KRT4: variants seen among roughly 807,000 people sequenced by gnomAD.
The protein encoded by KRT4 is keratin 4, also known as keratin, type II cytoskeletal 4.
In KRT4, 47 loss-of-function variants were observed where a neutral mutation model predicts 50.6. The ratio of observed to expected loss-of-function variants is 0.93; its 90% CI spans 0.73 to 1.18. KRT4 has a LOEUF of 1.18. Among genes scored for constraint, KRT4 ranks in the 50% most tolerant of loss-of-function variants. The pLI, the probability that KRT4 is intolerant of heterozygous loss-of-function variation, is 0.00. For synonymous variants in KRT4, 254 were observed against 251.2 expected, an observed-to-expected ratio of 1.01 and a Z score of -0.10; for missense variants, 651 against 645.7, an observed-to-expected ratio of 1.01 and a Z score of -0.09.
In KRT4 at chr12:52,813,713, G is replaced by A. The variant is rs768510625; in HGVS notation, c.346C>T (p.Gln116Ter). The A allele has an allele frequency of 2.5e-6, 4 of 1,614,120 alleles. No individual in the cohort carries two copies. The highest frequency in any genetic ancestry group is 3.4e-6 in the Non-Finnish European group (4 of 1,179,940). Residue 116 changes from glutamine (Q) to a stop codon, truncating the protein, a stop_gained, in exon 1 of 9, where the codon CAG (glutamine) becomes TAG (stop). Transcript: ENST00000551956. LOFTEE classifies it high-confidence loss of function. ...ACGTGGAGGGGGGTGAGCAAGCTCT[G>A]GTTGATGGTGACCTCCTGAATTCCC... is the stretch of plus-strand genomic sequence containing the variant. The part of the protein sequence containing the change: ...AGGIQEVTIN[Q>*]SLLTPLHVEI...
rs370324245 is a variant in KRT4 at position 52,807,681 on chromosome 12, C to A, written c.1309G>T (p.Ala437Ser). ...CCCTCCAGCAGTTTGCGGTAGGTGG[C>A]GATCTCGATGTCCAAGGCCAGCTTC... ...SVKLALDIEI[A>S]TYRKLLEGEE... The change falls in exon 7 of 9, where the codon GCC (alanine) becomes TCC (serine). Residue 437 changes from alanine (A) to serine (S), a missense_variant. Transcript: ENST00000551956. 9 of 1,614,002 alleles carry A rather than the reference C, an allele frequency of 5.6e-6. No individual in the cohort carries two copies. The African/African-American group carries it at 1.2e-4, about 22-fold the overall frequency.
chr12:52,810,176 A>C (rs1183898090), intron 3 of KRT4, among the ~76,000 whole-genome samples: 2 of 152,246 alleles, frequency 1.3e-5, no homozygotes, highest in Non-Finnish European at 2.9e-5. Flanking sequence ...CCAGCAATGG[A>C]TACTCTAAAA....
rs773070973 is a variant in KRT4, at chr12:52,813,726, C to A, written c.333G>T (p.Glu111Asp). ...FPVCPAGGIQEVTINQSLLTP... is the reference protein window; with the variant it reads ...FPVCPAGGIQDVTINQSLLTP... ...TGAGCAAGCTCTGGTTGATGGTGAC[C>A]TCCTGAATTCCCCCAGCGGGGCAGA... Residue 111 changes from glutamate to aspartate, a missense_variant, in exon 1 of 9, where the codon GAG becomes GAT. Physicochemically the swap from Glu to Asp is conservative, Grantham distance 45. Coordinates refer to ENST00000551956, the MANE Select transcript of KRT4 (RefSeq NM_002272.4). The A allele has an allele frequency of 4.3e-6, 5 of 1,158,862 alleles. No homozygotes were observed. In the East Asian group the frequency reaches 3.1e-4, roughly 73 times the overall value. 71.8% of individuals were successfully genotyped at this position (1,158,862 alleles called of 1,614,324 possible). A position where few individuals can be genotyped will look rare whatever the true frequency, so the allele number is the denominator to read the frequency against.
At chr12:52,808,659 A>G (rs763983717) in intron 5 of KRT4, 27 bp downstream of exon 5, 1 of 1,613,490 alleles carries the variant, frequency 6.2e-7, no homozygotes, top group Admixed American at 1.7e-5. Context: ...AGCCAGCCCC[A>G]TCTCCTGAGA....
At chr12:52,812,809 T>C (rs1175336610) in intron 1 of KRT4, among the ~76,000 whole-genome samples, 1 of 152,226 alleles carries the variant, frequency 6.6e-6, no homozygotes, top group Non-Finnish European at 1.5e-5. Context: ...CACCTTATTC[T>C]ATTCCAAAAG....
Position 52,814,041 on chromosome 12 carries a change from C to CTGCT in KRT4, c.14_17dup (p.Cys7AlafsTer91). On this transcript the variant is annotated frameshift_variant, in exon 1 of 9. Coordinates refer to ENST00000551956, the MANE Select transcript of KRT4 (RefSeq NM_002272.4). LOFTEE classifies it high-confidence loss of function. Reference sequence around the variant, plus strand: ...AGCCCCGGGGCCCGCCTCGGACACACTGCTGTCTGGCAATCATGGCTGCAG... The same window carrying CTGCT: ...AGCCCCGGGGCCCGCCTCGGACACACTGCTTGCTGTCTGGCAATCATGGCTGCAG... The CTGCT allele has an allele frequency of 6.2e-7, 1 of 1,613,764 alleles. No individual in the cohort carries two copies. Among genetic ancestry groups the CTGCT allele is most frequent in the Non-Finnish European group, 8.5e-7 (1 of 1,179,720 alleles).
Position 52,813,636 on chromosome 12 carries a change from G to A in KRT4, c.423C>T (p.Ile141=), listed in dbSNP as rs202009552. Residue 141 remains isoleucine (I), a synonymous_variant, in exon 1 of 9, where the codon ATC becomes ATT. Transcript: ENST00000551956. ...QKVRTEEREQ[I]KLLNNKFASF... ...AGGCAAACTTGTTGTTGAGGAGCTT[G>A]ATCTGTTCGCGCTCTTCCGTCCGGA... is the stretch of plus-strand genomic sequence containing the variant. 4.3e-6 allele frequency: 7 copies of A among 1,613,980 alleles called. No homozygotes were observed. The East Asian group carries it at 1.6e-4, about 36-fold the overall frequency.
At position 52,806,890 on chromosome 12, in the gene KRT4, G is replaced by A. The variant is rs1939805167; in HGVS notation, c.*179C>T. ...AGAAGTAGCTACCAAACTCCAAGAG[G>A]CAGAGTCCCTGTCCCAGCACAGAAG... On this transcript the variant is annotated 3_prime_UTR_variant, in exon 9 of 9. Coordinates refer to ENST00000551956, the MANE Select transcript of KRT4 (RefSeq NM_002272.4). 4 of 719,866 alleles carry A rather than the reference G, an allele frequency of 5.6e-6. No homozygotes were observed. The highest frequency in any genetic ancestry group is 5.4e-5 in the East Asian group (2 of 36,794). 44.6% of individuals were successfully genotyped at this position (719,866 alleles called of 1,614,324 possible). A position where few individuals can be genotyped will look rare whatever the true frequency, so the allele number is the denominator to read the frequency against.
rs1224047277 is a variant in KRT4 at position 52,808,835 on chromosome 12, G to A, written c.850C>T (p.Gln284Ter). 6.2e-7 allele frequency: 1 copy of A among 1,614,162 alleles called. No individual in the cohort carries two copies. ...ACGGACGTGTCGCTGACATGGGTCT[G>A]CATCTGGGACAGCTCCTGCAGGGCA... ...VLYDAELSQM[Q>*]THVSDTSVVL... is the part of the protein sequence containing the mutation. The change falls in exon 5 of 9, where the codon CAG becomes TAG. Residue 284 changes from glutamine (Q) to a stop codon, truncating the protein, a stop_gained. Coordinates refer to ENST00000551956, the MANE Select transcript of KRT4 (RefSeq NM_002272.4). LOFTEE classifies it high-confidence loss of function.
At chr12:52,809,977 A>G (rs983246531) in intron 3 of KRT4, among the ~76,000 whole-genome samples, 6 of 152,342 alleles carry the variant, frequency 3.9e-5, no homozygotes, top group Admixed American at 3.9e-4. Context: ...ACTGGAGGCC[A>G]TTATCTTAAG....
intron 2 of KRT4, 121 bp from the exon 3 acceptor site, chr12:52,810,937 C>T: frequency 1.3e-6 from 1 of 771,948 alleles, no homozygotes; most frequent in Non-Finnish European, 2.3e-6. Flanking sequence ...TAATTAGTTG[C>T]ATTTCCCATA....
intron 2 of KRT4, chr12:52,811,534 G>A (rs1352618546): frequency 7.2e-6 from 4 of 558,122 alleles, no homozygotes; most frequent in South Asian, 2.0e-5. Context: ...GTTCGTATAT[G>A]GCAGACCCAA....
Position 52,808,281 on chromosome 12 carries a change from G to A in KRT4, c.1125+13C>T, listed in dbSNP as rs748061792. On this transcript the variant is annotated intron_variant, in intron 6 of 8. Coordinates refer to ENST00000551956, the MANE Select transcript of KRT4 (RefSeq NM_002272.4). ...CTGGCCTTGTGCTCCATCTGGAAGG[G>A]AGTGACACCCACCTGCTTCTTGATG... 8.1e-6 allele frequency: 13 copies of A among 1,613,954 alleles called. No homozygotes were observed. The highest frequency in any genetic ancestry group is 6.7e-5 in the African/African-American group (5 of 74,916).
At chr12:52,808,193 T>C (rs1592309377) in intron 6 of KRT4, 101 bp downstream of exon 6, 3 of 1,464,484 alleles carry the variant, frequency 2.0e-6, no homozygotes, top group East Asian at 4.5e-5. Flanking sequence ...AGCAACAAGC[T>C]CAGGGTCTTC....
intron 6 of KRT4, 31 bp from the exon 7 acceptor site, chr12:52,807,895 G>A (rs1441667337): frequency 1.3e-6 from 2 of 1,594,956 alleles, no homozygotes; most frequent in Non-Finnish European, 8.6e-7. Flanking sequence ...TAGGTGGTCA[G>A]CAGTGCCCTG....
chr12:52,813,453 T>A (rs529164870), intron 1 of KRT4, 144 bp downstream of exon 1: 21 of 756,296 alleles, frequency 2.8e-5, no homozygotes, highest in Non-Finnish European at 4.6e-5. Context: ...CTCAAAGTCA[T>A]GATGCCCCTT....
Position 52,807,903 on chromosome 12 carries a change from CT to C in KRT4, c.1126-40del, listed in dbSNP as rs760031081. 1.8e-5 allele frequency: 28 copies of C among 1,580,732 alleles called. No individual in the cohort carries two copies. The African/African-American group carries it at 3.2e-4, about 18-fold the overall frequency. ...CATTAGATAGGTGGTCAGCAGTGCCCTGCCTTCAAGGCCTCTACACCTGTCC... is the reference window on the plus strand; with the variant it reads ...CATTAGATAGGTGGTCAGCAGTGCCCGCCTTCAAGGCCTCTACACCTGTCC... On this transcript the variant is annotated intron_variant, in intron 6 of 8. Transcript: ENST00000551956.
At chr12:52,810,307 G>A (rs1939886501) in intron 3 of KRT4, among the ~76,000 whole-genome samples, 1 of 152,148 alleles carries the variant, frequency 6.6e-6, no homozygotes, top group South Asian at 2.1e-4. Context: ...CAGCACTTTG[G>A]GAGGCTGAGG....
At chr12:52,811,655 T>C in intron 2 of KRT4, 108 bp downstream of exon 2, 1 of 894,536 alleles carries the variant, frequency 1.1e-6, no homozygotes, top group Non-Finnish European at 1.8e-6. Context: ...AGGGCCTTCC[T>C]AGACGCCTTC....
Sources: gnomAD v4.1 joint callset for allele counts (sites outside exome capture counted in the v4.1 genomes callset) on GRCh38, gnomAD v4.1.1 for gene constraint, MANE v1.5 for transcripts, NCBI Gene and HGNC (gene_info 2026-07-23, HGNC 2026-07-21) for gene names.